Variants in STAT4 observed in about 807,000 individuals in gnomAD.
STAT4 encodes signal transducer and activator of transcription 4.
In STAT4, 42 loss-of-function variants were observed where a neutral mutation model predicts 110.5. That is an observed-to-expected ratio of 0.38 (90% confidence interval 0.30 to 0.49). The LOEUF is 0.49. STAT4 is among the 20% of genes least tolerant of loss of function. The probability of loss-of-function intolerance (pLI) is 0.95; values close to 1 mark genes in which losing one functional copy is unlikely to be tolerated. For missense variants in STAT4, 632 were observed against 887.9 expected (o/e 0.71, Z 3.66); for synonymous variants, 284 against 302.2 (o/e 0.94, Z 0.63).
chr2:191,149,530 T>C (rs1699540371), intron 1 of STAT4, among the ~76,000 whole-genome samples: 1 of 152,188 alleles, frequency 6.6e-6, no homozygotes, highest in African/African-American at 2.4e-5. Flanking sequence ...CTGACATTGC[T>C]ATGAATATGG....
intron 17 of STAT4, among the ~76,000 whole-genome samples, chr2:191,034,853 T>C (rs1466366306): frequency 6.6e-6 from 1 of 152,120 alleles, no homozygotes; most frequent in African/African-American, 2.4e-5. Flanking sequence ...ATCTAGGATA[T>C]GTATGGGTAG....
chr2:191,031,033 A>G lies in STAT4; in HGVS notation c.2159T>C (p.Met720Thr). The part of the protein sequence containing the change: ...EPHSPSDLLP[M>T]SPSVYAVLRE... ...CAACACCGCATACACACTTGGAGAC[A>G]TGGGAAGAAGGTCTGATGGAGAATG... is the stretch of plus-strand genomic sequence containing the variant. The change falls in exon 23 of 24, where the codon ATG becomes ACG. Residue 720 changes from methionine (M) to threonine (T), a missense_variant. Around this residue, in one of 4 missense-constraint regions of STAT4, gnomAD observed 32 missense variants for 67.6 expected, o/e 0.47. Coordinates refer to ENST00000392320, the MANE Select transcript of STAT4 (RefSeq NM_003151.4). This position sits in a 1 kb window ranked among gnomAD's most constrained non-coding sequence, Gnocchi z 4.8. The G allele has an allele frequency of 6.2e-7, 1 of 1,614,048 alleles. No individual in the cohort carries two copies. The highest frequency in any genetic ancestry group is 8.5e-7 in the Non-Finnish European group (1 of 1,179,880).
In STAT4 at chr2:191,033,689, A is replaced by G; in HGVS notation, c.1716-63T>C. 1 of 1,582,774 alleles carries G rather than the reference A, an allele frequency of 6.3e-7. No homozygotes were observed. The highest frequency in any genetic ancestry group is 1.8e-5 in the Admixed American group (1 of 54,846). On this transcript the variant is annotated intron_variant, in intron 19 of 23. Coordinates refer to ENST00000392320, the MANE Select transcript of STAT4 (RefSeq NM_003151.4). This position sits in a 1 kb window ranked among gnomAD's most constrained non-coding sequence, Gnocchi z 6.9. ...TTGGATTTTCACTTATTGCATTTAC[A>G]AAGACCTACAGTTTGTTTTGAGTGT...
At chr2:191,129,485 CTACTTG>C (rs1698972191) in intron 3 of STAT4, among the ~76,000 whole-genome samples, 1 of 152,116 alleles carries the variant, frequency 6.6e-6, no homozygotes, top group South Asian at 2.1e-4. Flanking sequence ...ATGTTAACTT[CTACTTG>C]GGCTGCTTAC....
At chr2:191,095,026 A>G (rs1697928519) in intron 3 of STAT4, among the ~76,000 whole-genome samples, 1 of 152,142 alleles carries the variant, frequency 6.6e-6, no homozygotes, top group South Asian at 2.1e-4. Flanking sequence ...CATAATGGTA[A>G]AGGGATCAAT....
chr2:191,069,881 A>G (rs1697094338), intron 5 of STAT4, 110 bp from the exon 6 acceptor site: 5 of 772,410 alleles, frequency 6.5e-6, no homozygotes, highest in Non-Finnish European at 1.1e-5. Context: ...CTCCAACAGC[A>G]ACCAAAGACC....
chr2:191,071,527 G>C (rs191961717), intron 5 of STAT4, among the ~76,000 whole-genome samples: 9 of 152,174 alleles, frequency 5.9e-5, no homozygotes, highest in African/African-American at 1.4e-4. Context: ...AATGAAAAGT[G>C]TATTAAACCA....
intron 3 of STAT4, among the ~76,000 whole-genome samples, chr2:191,102,601 G>A (rs1011169165): frequency 3.9e-5 from 6 of 152,026 alleles, no homozygotes; most frequent in Non-Finnish European, 8.8e-5. Context: ...CAATTTCACC[G>A]TTTTTCACTT....
In STAT4 at chr2:191,099,558, A is replaced by G. The variant is rs1434973618; in HGVS notation, c.274-23233T>C. On this transcript the variant is annotated intron_variant, in intron 3 of 23. Coordinates refer to ENST00000392320, the MANE Select transcript of STAT4 (RefSeq NM_003151.4). This position sits in a 1 kb window ranked among gnomAD's most constrained non-coding sequence, Gnocchi z 4.1. ...AAATTTGGAAAGCAGAGATATGAAT[A>G]ATAAAATTTCATTTTTGTAAATGAC... Among the ~76,000 whole-genome samples the G allele has an allele frequency of 6.6e-6, 1 of 152,170 alleles. No homozygotes were observed. The highest frequency in any genetic ancestry group is 1.5e-5 in the Non-Finnish European group (1 of 67,992).
chr2:191,056,283 A>G (rs547726897), intron 13 of STAT4, among the ~76,000 whole-genome samples: 20 of 152,280 alleles, frequency 1.3e-4, no homozygotes, highest in African/African-American at 4.8e-4. Context: ...CGAGAAAAAT[A>G]GTAGGGTCTT....
In STAT4 at chr2:191,046,331, A is replaced by G. The variant is rs866302790; in HGVS notation, c.1252-5183T>C. ...TTTAGCTCCTTGAAGTCTTACTGGA[A>G]CATGGTGGCATGGGTAAAGATAGCA... On this transcript the variant is annotated intron_variant, in intron 14 of 23. Transcript: ENST00000392320. This position sits in a 1 kb window ranked among gnomAD's most constrained non-coding sequence, Gnocchi z 4.6. 6.6e-6 allele frequency among the ~76,000 whole-genome samples: 1 copy of G among 152,234 alleles called. No individual in the cohort carries two copies. The highest frequency in any genetic ancestry group is 2.1e-4 in the South Asian group (1 of 4,832).
chr2:191,103,012 T>C (rs1698184615), intron 3 of STAT4, among the ~76,000 whole-genome samples: 1 of 152,312 alleles, frequency 6.6e-6, no homozygotes, highest in South Asian at 2.1e-4. Context: ...TTTCTCACCA[T>C]AGAATCCTTT....
Position 191,082,925 on chromosome 2 carries a change from A to G in STAT4, c.274-6600T>C, listed in dbSNP as rs548953158. Among the ~76,000 whole-genome samples, 52 of 152,284 alleles carry G rather than the reference A, an allele frequency of 3.4e-4. 3 individuals are homozygous for G. The South Asian group carries it at 0.01, about 30-fold the overall frequency. ...AACACATTTGGAGGGTTAATACCAC[A>G]TTTAACAAATTTCTTCTGTATTGTG... On this transcript the variant is annotated intron_variant, in intron 3 of 23. Transcript: ENST00000392320. This position sits in a 1 kb window ranked among gnomAD's most constrained non-coding sequence, Gnocchi z 4.7.
In STAT4 at chr2:191,142,314, G is replaced by A. The variant is rs1297295730; in HGVS notation, c.273+4299C>T. On this transcript the variant is annotated intron_variant, in intron 3 of 23. Transcript: ENST00000392320. This position sits in a 1 kb window ranked among gnomAD's most constrained non-coding sequence, Gnocchi z 4.1. Reference sequence around the variant, plus strand: ...AAAATCATGTCATTTGCAGCAACACGGATCGTACAAGATGTCATTATGTTA... The same window carrying A: ...AAAATCATGTCATTTGCAGCAACACAGATCGTACAAGATGTCATTATGTTA... Among the ~76,000 whole-genome samples the A allele has an allele frequency of 6.6e-6, 1 of 151,918 alleles. No individual in the cohort carries two copies. Among genetic ancestry groups the A allele is most frequent in the Non-Finnish European group, 1.5e-5 (1 of 67,978 alleles).
chr2:191,035,429 T>C lies in STAT4; in HGVS notation c.1570+735A>G, dbSNP rs1696016597. ...GTCAAGCTTAAATCACACATGATTC[T>C]ACTTCTGCACAAATGGATCTTTGGC... On this transcript the variant is annotated intron_variant, in intron 17 of 23. Coordinates refer to ENST00000392320, the MANE Select transcript of STAT4 (RefSeq NM_003151.4). This position sits in a 1 kb window ranked among gnomAD's most constrained non-coding sequence, Gnocchi z 4.7. 6.6e-6 allele frequency among the ~76,000 whole-genome samples: 1 copy of C among 152,262 alleles called. No individual in the cohort carries two copies. Among genetic ancestry groups the C allele is most frequent in the South Asian group, 2.1e-4 (1 of 4,830 alleles).
At position 191,066,602 on chromosome 2, in the gene STAT4, GC is replaced by G; in HGVS notation, c.545-88del. 3.2e-6 allele frequency: 4 copies of G among 1,242,732 alleles called. No homozygotes were observed. Among genetic ancestry groups the G allele is most frequent in the Non-Finnish European group, 4.6e-6 (4 of 871,752 alleles). 77.0% of individuals were successfully genotyped at this position (1,242,732 alleles called of 1,614,324 possible). A position where few individuals can be genotyped will look rare whatever the true frequency, so the allele number is the denominator to read the frequency against. Reference sequence around the variant, plus strand: ...AATCCACCATCCTAAAACAGCCCTGGCCCGGAGAACTTATGTGGTAAGAGAC... The same window carrying G: ...AATCCACCATCCTAAAACAGCCCTGGCCGGAGAACTTATGTGGTAAGAGAC... On this transcript the variant is annotated intron_variant, in intron 6 of 23. Transcript: ENST00000392320. The surrounding 1 kb of genome is among the most constrained non-coding windows in gnomAD (Gnocchi z 4.3).
In STAT4 at chr2:191,069,861, T is replaced by C. The variant is rs2271743; in HGVS notation, c.466-90A>G. 1,432 of 985,662 alleles carry C rather than the reference T, an allele frequency of 1.5e-3. 24 individuals are homozygous for C. In the Admixed American group the frequency reaches 0.028, roughly 19 times the overall value. The allele number at this position is 985,662 out of a possible 1,614,324, so 61.1% of individuals were successfully genotyped here. ...ATAAGTATTTTAAAAAACTGCTTGG[T>C]GCTTCCAATCTCCAACAGCAACCAA... On this transcript the variant is annotated intron_variant, in intron 5 of 23. Transcript: ENST00000392320.
Position 191,031,556 on chromosome 2 carries a change from C to A in STAT4, c.2045-40G>T. 1 of 1,525,360 alleles carries A rather than the reference C, an allele frequency of 6.6e-7. No individual in the cohort carries two copies. The highest frequency in any genetic ancestry group is 9.0e-7 in the Non-Finnish European group (1 of 1,107,510). The allele number at this position is 1,525,360 out of a possible 1,614,324, so 94.5% of individuals were successfully genotyped here. A position where few individuals can be genotyped will look rare whatever the true frequency, so the allele number is the denominator to read the frequency against. The stretch of plus-strand genomic sequence containing the variant: ...GGCACAATGTTGGGGAAAAAAATGT[C>A]AATATTATCAATAAAACTGGGGAAA... On this transcript the variant is annotated intron_variant, in intron 21 of 23. Coordinates refer to ENST00000392320, the MANE Select transcript of STAT4 (RefSeq NM_003151.4). The surrounding 1 kb of genome is among the most constrained non-coding windows in gnomAD (Gnocchi z 4.8).
Position 191,147,385 on chromosome 2 carries a change from A to G in STAT4, c.129-628T>C, listed in dbSNP as rs1314937361. 1.3e-5 allele frequency among the ~76,000 whole-genome samples: 2 copies of G among 152,220 alleles called. No individual in the cohort carries two copies. The highest frequency in any genetic ancestry group is 2.9e-5 in the Non-Finnish European group (2 of 68,024). On this transcript the variant is annotated intron_variant, in intron 2 of 23. Coordinates refer to ENST00000392320, the MANE Select transcript of STAT4 (RefSeq NM_003151.4). The surrounding 1 kb of genome is among the most constrained non-coding windows in gnomAD (Gnocchi z 4.1). The stretch of plus-strand genomic sequence containing the variant: ...CATGAATGAATTTTGAAAACATTAC[A>G]CTAAGCAAAATAAGTCAGTTACAAA...
Sources: allele counts gnomAD v4.1 joint callset (sites outside exome capture counted in the v4.1 genomes callset), GRCh38; gene constraint gnomAD v4.1.1; regional missense constraint gnomAD v4.1.1; non-coding constraint Gnocchi (gnomAD v3.1); transcripts MANE v1.5; gene names NCBI Gene and HGNC (gene_info 2026-07-23, HGNC 2026-07-21).